RYR1: variants seen among roughly 807,000 people sequenced by gnomAD.
RYR1 encodes the protein central core disease of muscle.
RYR1 carries 342 observed loss-of-function variants against 583.5 expected under a neutral mutation model. The observed-to-expected ratio is 0.59, with a 90% confidence interval of 0.54 to 0.64. The LOEUF (loss-of-function observed/expected upper bound fraction) is 0.64. Among genes scored for constraint, RYR1 ranks in the 30% least tolerant of loss-of-function variants. The probability of loss-of-function intolerance (pLI) is 0.00; values close to 1 mark genes in which losing one functional copy is unlikely to be tolerated. For synonymous variants in RYR1, 2,791 were observed against 2,822.5 expected, an observed-to-expected ratio of 0.99 and a Z score of 0.35; for missense variants, 6,032 against 6,917.2, an observed-to-expected ratio of 0.87 and a Z score of 4.54.
Position 38,496,946 on chromosome 19 carries a change from C to T in RYR1, c.6883C>T (p.Leu2295=). The T allele has an allele frequency of 6.2e-7, 1 of 1,613,396 alleles. No individual in the cohort carries two copies. Among genetic ancestry groups the T allele is most frequent in the Non-Finnish European group, 8.5e-7 (1 of 1,179,828 alleles). The change falls in exon 42 of 106, where the codon CTG becomes TTG. Residue 2295 remains leucine, a synonymous_variant. Transcript: ENST00000359596. The surrounding 1 kb of genome is among the most constrained non-coding windows in gnomAD (Gnocchi z 4.8). ...GGCCTTGGCATTGCAGGAGCAGGAC[C>T]TGGAAAAGGTGTGGAGGGCAGGGCT... The part of the protein sequence containing the change: ...ELALALQEQD[L]EKVVSYLAGC...
At chr19:38,569,599 G>A (rs369275592) in intron 93 of RYR1, among the ~76,000 whole-genome samples, 4 of 151,940 alleles carry the variant, frequency 2.6e-5, no homozygotes, top group Non-Finnish European at 5.9e-5. Context: ...CAGGCAGGGC[G>A]ACAGGTGGGG....
intron 63 of RYR1, among the ~76,000 whole-genome samples, chr19:38,514,077 C>T (rs112780602): frequency 1.1e-4 from 16 of 152,050 alleles, no homozygotes; most frequent in East Asian, 7.8e-4. Context: ...AGAATAGCCC[C>T]GCCCTCTTTT....
chr19:38,460,332 C>T (rs774701445), intron 19 of RYR1, 43 bp from the exon 20 acceptor site: 14 of 1,564,560 alleles, frequency 8.9e-6, no homozygotes, highest in Admixed American at 5.0e-5. Context: ...GACTGTCCCC[C>T]ATAACCTCCC....
At chr19:38,562,955 C>A (rs1303491493) in intron 90 of RYR1, among the ~76,000 whole-genome samples, 1 of 152,206 alleles carries the variant, frequency 6.6e-6, no homozygotes, top group Non-Finnish European at 1.5e-5. Flanking sequence ...ACACCCCCAT[C>A]TGGCACACAA....
intron 19 of RYR1, among the ~76,000 whole-genome samples, chr19:38,459,758 C>T (rs1047536912): frequency 6.6e-6 from 1 of 152,064 alleles, no homozygotes; most frequent in Non-Finnish European, 1.5e-5. Context: ...CTAATGACTC[C>T]AGACCCTCCT....
chr19:38,452,855 G>C lies in RYR1; in HGVS notation c.1281G>C (p.Ser427=), dbSNP rs745635512. 9 of 1,606,714 alleles carry C rather than the reference G, an allele frequency of 5.6e-6. No homozygotes were observed. The highest frequency in any genetic ancestry group is 3.4e-6 in the Non-Finnish European group (4 of 1,176,740). Residue 427 remains serine (S), a synonymous_variant, in exon 13 of 106, where the codon TCG becomes TCC. Transcript: ENST00000359596. The part of the protein sequence containing the change: ...LDSFSGKPRG[S]GPPAGTALPI... ...GCTTCAGCGGGAAGCCACGGGGCTC[G>C]GGGCCACCCGCTGGCACGGCGCTGC...
At chr19:38,574,097 C>A (rs1178754978) in intron 96 of RYR1, among the ~76,000 whole-genome samples, 1 of 151,716 alleles carries the variant, frequency 6.6e-6, no homozygotes, top group Non-Finnish European at 1.5e-5. Flanking sequence ...AAATTAGTCT[C>A]TACTAAAAAT....
chr19:38,579,884 C>A, intron 99 of RYR1, 98 bp from the exon 100 acceptor site: 1 of 1,539,384 alleles, frequency 6.5e-7, no homozygotes, highest in Non-Finnish European at 9.0e-7. Context: ...GGCACCCGAC[C>A]CCCAGGGCAC....
intron 67 of RYR1, among the ~76,000 whole-genome samples, chr19:38,521,746 G>A (rs918264948): frequency 7.1e-5 from 10 of 141,302 alleles, no homozygotes; most frequent in Non-Finnish European, 1.2e-4. Flanking sequence ...ATGGAGTCTC[G>A]CCCAGGCTGG....
chr19:38,586,672 C>A lies in RYR1; in HGVS notation c.15021+96C>A, dbSNP rs986779111. 8 of 1,233,694 alleles carry A rather than the reference C, an allele frequency of 6.5e-6. No homozygotes were observed. In the East Asian group the frequency reaches 1.6e-4, roughly 25 times the overall value. The allele number at this position is 1,233,694 out of a possible 1,614,324, so 76.4% of individuals were successfully genotyped here. ...GGCAGTAAAAAGCTCCTATCAATAT[C>A]AAGGGTTAGGGCTGGGGGCTGGGCA... is the stretch of plus-strand genomic sequence containing the variant. On this transcript the variant is annotated intron_variant, in intron 105 of 105. Coordinates refer to ENST00000359596, the MANE Select transcript of RYR1 (RefSeq NM_000540.3).
chr19:38,580,291 G>C, intron 100 of RYR1, 79 bp from the exon 101 acceptor site: 1 of 1,598,148 alleles, frequency 6.3e-7, no homozygotes, highest in Non-Finnish European at 8.5e-7. Context: ...GGACTGAACC[G>C]GGGCCAGGAC....
Position 38,502,739 on chromosome 19 carries a change from C to G in RYR1, c.7835+12C>G, listed in dbSNP as rs755502084. 17 of 1,367,428 alleles carry G rather than the reference C, an allele frequency of 1.2e-5. No individual in the cohort carries two copies. In the Middle Eastern group the frequency reaches 7.9e-4, roughly 64 times the overall value. The allele number at this position is 1,367,428 out of a possible 1,614,324, so 84.7% of individuals were successfully genotyped here. ...ATGTCGCTCTGCAGGTGGAGCGGGG[C>G]AGGCTTCAGGGTGGGGCAGGGGCAG... is the stretch of plus-strand genomic sequence containing the variant. On this transcript the variant is annotated intron_variant, in intron 48 of 105. Coordinates refer to ENST00000359596, the MANE Select transcript of RYR1 (RefSeq NM_000540.3).
At chr19:38,518,331 G>C (rs1276258867) in intron 66 of RYR1, among the ~76,000 whole-genome samples, 1 of 150,912 alleles carries the variant, frequency 6.6e-6, no homozygotes, top group Non-Finnish European at 1.5e-5. Context: ...AGGCCAAGGT[G>C]GGTGGATCAC....
chr19:38,527,831 C>T, intron 73 of RYR1, 47 bp downstream of exon 73: 1 of 1,607,042 alleles, frequency 6.2e-7, no homozygotes, highest in Non-Finnish European at 8.5e-7. Flanking sequence ...TGGGCGGAGC[C>T]TGGCGGGGGG....
intron 21 of RYR1, 71 bp downstream of exon 21, chr19:38,463,598 G>A (rs1967909658): frequency 1.3e-6 from 2 of 1,529,054 alleles, no homozygotes; most frequent in Non-Finnish European, 1.8e-6. Flanking sequence ...CGGCTCACCG[G>A]CGGAGAGGAG....
intron 3 of RYR1, 21 bp from the exon 4 acceptor site, chr19:38,443,537 G>A: frequency 6.2e-7 from 1 of 1,610,026 alleles, no homozygotes. Context: ...TGCTTATTCT[G>A]TTCCCTCCCT....
At chr19:38,482,967 A>C in intron 31 of RYR1, 60 bp from the exon 32 acceptor site, 1 of 1,452,286 alleles carries the variant, frequency 6.9e-7, no homozygotes, top group Non-Finnish European at 9.7e-7. Flanking sequence ...TTTGAGGTCC[A>C]GAGTCAACCC....
In RYR1 at chr19:38,526,170, C is replaced by T. The variant is rs140769285; in HGVS notation, c.10626+668C>T. 5.6e-3 allele frequency among the ~76,000 whole-genome samples: 855 copies of T among 152,100 alleles called. 28 individuals carry two copies. Among genetic ancestry groups the T allele is most frequent in the Admixed American group, 0.052 (793 of 15,276 alleles). On this transcript the variant is annotated intron_variant, in intron 71 of 105. Coordinates refer to ENST00000359596, the MANE Select transcript of RYR1 (RefSeq NM_000540.3). ...CAACTGTCCTGGAGACCAAAATACC[C>T]GGGCTGTAGAACCTCTTAAGCTTGC...
At chr19:38,514,391 C>T (rs536832040) in intron 63 of RYR1, among the ~76,000 whole-genome samples, 11 of 151,758 alleles carry the variant, frequency 7.2e-5, no homozygotes, top group African/African-American at 2.4e-4. Context: ...AGTGATTCTC[C>T]TGCCTCAGCC....
Sources: allele counts gnomAD v4.1 joint callset (sites outside exome capture counted in the v4.1 genomes callset), GRCh38; gene constraint gnomAD v4.1.1; non-coding constraint Gnocchi (gnomAD v3.1); transcripts MANE v1.5; gene names NCBI Gene and HGNC (gene_info 2026-07-23, HGNC 2026-07-21).